Variants in DMRT1 observed in about 807,000 individuals in gnomAD.
DMRT1 encodes the protein doublesex and mab-3 related transcription factor 1.
A neutral mutation model predicts 32.3 loss-of-function variants in DMRT1; 7 were observed. That is an observed-to-expected ratio of 0.22 (90% CI 0.12 to 0.41). The LOEUF (loss-of-function observed/expected upper bound fraction) is 0.41, where lower values mean the gene tolerates loss of function less well. Among genes scored for constraint, DMRT1 ranks in the 10% least tolerant of loss-of-function variants. DMRT1 has a pLI of 1.00. For synonymous variants in DMRT1, 278 were observed against 206.1 expected, an observed-to-expected ratio of 1.35 and a Z score of -2.99; for missense variants, 625 against 500.5, an observed-to-expected ratio of 1.25 and a Z score of -2.37.
chr9:852,161 T>G (rs907152095), intron 2 of DMRT1, among the ~76,000 whole-genome samples: 10 of 151,958 alleles, frequency 6.6e-5, no homozygotes, highest in Non-Finnish European at 1.2e-4. Flanking sequence ...GGTCTTGAAC[T>G]CTTGACCTCA....
intron 4 of DMRT1, among the ~76,000 whole-genome samples, chr9:935,582 G>A (rs7858421): frequency 1 from 151,766 of 152,356 alleles, 75,589 homozygotes; most frequent in Middle Eastern, 1. Flanking sequence ...CAGTCTCGCA[G>A]TGCCTTGTAC....
chr9:966,783 A>G (rs908883987), intron 4 of DMRT1, among the ~76,000 whole-genome samples: 3 of 152,240 alleles, frequency 2.0e-5, no homozygotes, highest in African/African-American at 7.2e-5. Flanking sequence ...TACCTTATTA[A>G]ATTCCAAACA....
intron 2 of DMRT1, among the ~76,000 whole-genome samples, chr9:870,026 A>C (rs977072845): frequency 6.6e-6 from 1 of 152,166 alleles, no homozygotes; most frequent in Non-Finnish European, 1.5e-5. Flanking sequence ...TGAACGAATA[A>C]GTTTCTTAAG....
intron 4 of DMRT1, among the ~76,000 whole-genome samples, chr9:920,668 T>C (rs76908276): frequency 0.01 from 1,584 of 152,316 alleles, 22 homozygotes; most frequent in African/African-American, 0.036. Context: ...AGGAAGGGCC[T>C]TGGCTCCTTC....
chr9:956,580 A>AC (rs1286037368), intron 4 of DMRT1, among the ~76,000 whole-genome samples: 3 of 102,958 alleles, frequency 2.9e-5, no homozygotes, highest in African/African-American at 1.4e-4. Context: ...AAAAAAAACA[A>AC]AAAACAAAAA....
intron 3 of DMRT1, among the ~76,000 whole-genome samples, chr9:908,262 C>T (rs577991406): frequency 6.6e-6 from 1 of 151,950 alleles, no homozygotes; most frequent in East Asian, 1.9e-4. Context: ...TCAAGACCAG[C>T]CTGGGCAACA....
At chr9:852,815 C>T (rs536025105) in intron 2 of DMRT1, among the ~76,000 whole-genome samples, 2 of 152,296 alleles carry the variant, frequency 1.3e-5, no homozygotes, top group East Asian at 1.9e-4. Flanking sequence ...GTCACCTTTC[C>T]CCTGTTAGAA....
In DMRT1 at chr9:847,097, C is replaced by G. The variant is rs375702726; in HGVS notation, c.492C>G (p.Gly164=). ...CGTGCCTCATGACTGAGTGCAGTGG[C>G]ACCTCTCAGCCACCGCCGGCCAGTG... ...SNPCLMTECS[G]TSQPPPASVP... is the part of the protein sequence containing the mutation. The change falls in exon 2 of 5, where the codon GGC becomes GGG. Residue 164 remains glycine, a synonymous_variant. Coordinates refer to ENST00000382276, the MANE Select transcript of DMRT1 (RefSeq NM_021951.3). 7 of 1,613,728 alleles carry G rather than the reference C, an allele frequency of 4.3e-6. No homozygotes were observed. The highest frequency in any genetic ancestry group is 5.9e-6 in the Non-Finnish European group (7 of 1,180,040).
intron 4 of DMRT1, among the ~76,000 whole-genome samples, chr9:948,368 A>C (rs1206090934): frequency 1.3e-5 from 2 of 152,284 alleles, no homozygotes; most frequent in East Asian, 3.9e-4. Flanking sequence ...TCTCCTCTCC[A>C]CAGGGACATG....
intron 2 of DMRT1, among the ~76,000 whole-genome samples, chr9:854,513 G>A (rs1815305455): frequency 6.6e-6 from 1 of 152,042 alleles, no homozygotes; most frequent in Admixed American, 6.6e-5. Context: ...TATCTTTGGA[G>A]TTTTCTAATG....
intron 2 of DMRT1, among the ~76,000 whole-genome samples, chr9:852,148 G>A (rs1251605307): frequency 6.6e-6 from 1 of 151,760 alleles, no homozygotes; most frequent in East Asian, 1.9e-4. Context: ...TGTTGGCCAC[G>A]CTGGTCTTGA....
intron 3 of DMRT1, among the ~76,000 whole-genome samples, chr9:905,882 C>A (rs1817757325): frequency 6.6e-6 from 1 of 152,142 alleles, no homozygotes; most frequent in Non-Finnish European, 1.5e-5. Flanking sequence ...TTGGAGTTTG[C>A]CTGACTGCAG....
rs867287586 is a variant in DMRT1, at chr9:861,199, G to A, written c.538+14056G>A. Among the ~76,000 whole-genome samples the A allele has an allele frequency of 6.4e-4, 98 of 152,100 alleles. 1 individual carries two copies. Among genetic ancestry groups the A allele is most frequent in the Middle Eastern group, 3.4e-3 (1 of 294 alleles). Reference sequence around the variant, plus strand: ...GGTCTCTGGTTTTCCTAGGCAGAGGGCCCTGCCGCCTTCCGTCTTCTGCAG... The same window carrying A: ...GGTCTCTGGTTTTCCTAGGCAGAGGACCCTGCCGCCTTCCGTCTTCTGCAG... On this transcript the variant is annotated intron_variant, in intron 2 of 4. Coordinates refer to ENST00000382276, the MANE Select transcript of DMRT1 (RefSeq NM_021951.3).
intron 3 of DMRT1, among the ~76,000 whole-genome samples, chr9:916,453 C>T (rs1055146718): frequency 1.7e-4 from 26 of 152,116 alleles, no homozygotes; most frequent in Non-Finnish European, 1.2e-4. Flanking sequence ...TCACTACAGC[C>T]TCAAACTCCT....
chr9:942,274 T>G (rs989481033), intron 4 of DMRT1, among the ~76,000 whole-genome samples: 1 of 152,220 alleles, frequency 6.6e-6, no homozygotes, highest in Non-Finnish European at 1.5e-5. Context: ...ATATCAATTT[T>G]CCTTTTCCTT....
intron 2 of DMRT1, among the ~76,000 whole-genome samples, chr9:859,865 G>A (rs1040657500): frequency 7.4e-6 from 1 of 134,568 alleles, no homozygotes; most frequent in South Asian, 2.2e-4. Flanking sequence ...TTTATTGGCA[G>A]TAAGGTTCTT....
chr9:918,924 G>C (rs147523840), intron 4 of DMRT1, among the ~76,000 whole-genome samples: 60 of 152,276 alleles, frequency 3.9e-4, no homozygotes, highest in African/African-American at 1.4e-3. Context: ...AGGTCAGTAA[G>C]GACACCTCAA....
Position 925,240 on chromosome 9 carries a change from C to T in DMRT1, c.967+8333C>T, listed in dbSNP as rs1428512530. 2.0e-5 allele frequency among the ~76,000 whole-genome samples: 3 copies of T among 152,102 alleles called. No individual in the cohort carries two copies. The East Asian group carries it at 5.8e-4, about 29-fold the overall frequency. Reference sequence around the variant, plus strand: ...GTCATTTCTTAAATGAGTAAGAAACCAACTGTGGAATCTTTTCTGTTCGTT... The same window carrying T: ...GTCATTTCTTAAATGAGTAAGAAACTAACTGTGGAATCTTTTCTGTTCGTT... On this transcript the variant is annotated intron_variant, in intron 4 of 4. Coordinates refer to ENST00000382276, the MANE Select transcript of DMRT1 (RefSeq NM_021951.3).
intron 4 of DMRT1, among the ~76,000 whole-genome samples, chr9:935,788 G>C (rs940423499): frequency 1.3e-5 from 2 of 152,196 alleles, no homozygotes. Flanking sequence ...GGTCTTTTGA[G>C]TATAAATGAC....
Sources: gnomAD v4.1 joint callset for allele counts (sites outside exome capture counted in the v4.1 genomes callset) on GRCh38, gnomAD v4.1.1 for gene constraint, MANE v1.5 for transcripts, NCBI Gene and HGNC (gene_info 2026-07-23, HGNC 2026-07-21) for gene names.